Variants in MGAT4C observed in about 807,000 individuals in gnomAD.
MGAT4C encodes the protein MGAT4 family member C.
A neutral mutation model predicts 40.1 loss-of-function variants in MGAT4C; 19 were observed. That is an observed-to-expected ratio of 0.47 (90% confidence interval 0.33 to 0.70). MGAT4C has a LOEUF of 0.70. MGAT4C is among the 30% of genes least tolerant of loss of function. The pLI, the probability that MGAT4C is intolerant of heterozygous loss-of-function variation, is 0.02. For missense variants in MGAT4C, 491 were observed against 563.2 expected, an observed-to-expected ratio of 0.87 and a Z score of 1.30; for synonymous variants, 181 against 187.1, an observed-to-expected ratio of 0.97 and a Z score of 0.27.
chr12:86,391,287 G>A (rs1592780710), intron 3 of MGAT4C, among the ~76,000 whole-genome samples: 1 of 152,108 alleles, frequency 6.6e-6, no homozygotes, highest in South Asian at 2.1e-4. Context: ...TAGAGTAAAG[G>A]ATTTTCTACT....
intron 1 of MGAT4C, among the ~76,000 whole-genome samples, chr12:86,763,128 A>C (rs1305147002): frequency 6.6e-6 from 1 of 152,188 alleles, no homozygotes; most frequent in African/African-American, 2.4e-5. Flanking sequence ...GTTTTATTTT[A>C]CTTGAAATCA....
rs531234713 is a variant in MGAT4C at position 86,798,891 on chromosome 12, A to G, written c.-262+39775T>C. Among the ~76,000 whole-genome samples, 4 of 152,012 alleles carry G rather than the reference A, an allele frequency of 2.6e-5. No individual in the cohort carries two copies. In the East Asian group the frequency reaches 7.7e-4, roughly 29 times the overall value. Reference sequence around the variant, plus strand: ...CATCTTTTATTATTCTGTAAGAAGCAAATGATGTAAGAGTTGCCATGTCTT... The same window carrying G: ...CATCTTTTATTATTCTGTAAGAAGCGAATGATGTAAGAGTTGCCATGTCTT... On this transcript the variant is annotated intron_variant, in intron 1 of 7. Coordinates refer to the MGAT4C transcript ENST00000548651.
chr12:86,004,012 T>C (rs970470205), intron 2 of MGAT4C, among the ~76,000 whole-genome samples: 3 of 152,288 alleles, frequency 2.0e-5, no homozygotes, highest in South Asian at 2.1e-4. Context: ...AGCACTAAAG[T>C]ATTTTACATG....
intron 2 of MGAT4C, among the ~76,000 whole-genome samples, chr12:86,504,680 G>A (rs1958437903): frequency 6.6e-6 from 1 of 151,958 alleles, no homozygotes; most frequent in South Asian, 2.1e-4. Flanking sequence ...ATATACATAG[G>A]AAAACAATCT....
chr12:86,824,755 G>A lies in MGAT4C; in HGVS notation c.-262+13911C>T, dbSNP rs556300560. ...CCAGGCCAAAAAAAAAAAAAAAAAAGAGAGAGAGAGAGAAGAAAAGAAAAA... is the reference window on the plus strand; with the variant it reads ...CCAGGCCAAAAAAAAAAAAAAAAAAAAGAGAGAGAGAGAAGAAAAGAAAAA... On this transcript the variant is annotated intron_variant, in intron 1 of 7. Transcript: ENST00000548651. Among the ~76,000 whole-genome samples the A allele has an allele frequency of 6.5e-3, 704 of 107,520 alleles. 5 individuals carry two copies. The highest frequency in any genetic ancestry group is 0.017 in the African/African-American group (587 of 33,764). 70.5% of individuals were successfully genotyped at this position (107,520 alleles called of 152,430 possible).
intron 1 of MGAT4C, among the ~76,000 whole-genome samples, chr12:86,836,862 G>A (rs1405151142): frequency 6.6e-6 from 1 of 152,064 alleles, no homozygotes; most frequent in East Asian, 1.9e-4. Context: ...GGAAGAACAT[G>A]AAATATGTTC....
At chr12:86,361,505 C>A (rs1003099493) in intron 3 of MGAT4C, among the ~76,000 whole-genome samples, 1 of 152,014 alleles carries the variant, frequency 6.6e-6, no homozygotes, top group Non-Finnish European at 1.5e-5. Context: ...TTAAACTAAA[C>A]AGCTTCTGCA....
chr12:86,700,091 T>TAATGTA (rs1565934014), intron 2 of MGAT4C, among the ~76,000 whole-genome samples: 11 of 144,254 alleles, frequency 7.6e-5, no homozygotes, highest in Non-Finnish European at 1.4e-4. Context: ...TGTAGATAGA[T>TAATGTA]GATAGATAGA....
chr12:86,014,978 C>CT (rs113674418), intron 2 of MGAT4C, among the ~76,000 whole-genome samples: 4,331 of 134,540 alleles, frequency 0.032, 221 homozygotes, highest in African/African-American at 0.1. Context: ...TTCTTTCTTT[C>CT]TTTTTTTTTT....
At chr12:86,408,499 A>C (rs1330366273) in intron 3 of MGAT4C, among the ~76,000 whole-genome samples, 44 of 141,512 alleles carry the variant, frequency 3.1e-4, no homozygotes, top group Admixed American at 6.4e-4. Context: ...ATATATATAT[A>C]TATATATATA....
At chr12:86,779,661 C>T (rs1951803619) in intron 1 of MGAT4C, among the ~76,000 whole-genome samples, 1 of 151,904 alleles carries the variant, frequency 6.6e-6, no homozygotes, top group South Asian at 2.1e-4. Flanking sequence ...CTCCTGTAAT[C>T]CCATCACTTT....
upstream of MGAT4C, among the ~76,000 whole-genome samples, chr12:86,259,910 C>CT (rs1323723418): frequency 1.9e-4 from 1 of 5,234 alleles, no homozygotes; most frequent in Non-Finnish European, 3.4e-4. Context: ...TTGTTTTTTC[C>CT]TTTTTTTGAA....
intron 2 of MGAT4C, among the ~76,000 whole-genome samples, chr12:86,018,854 G>T (rs1378321992): frequency 6.6e-6 from 1 of 152,060 alleles, no homozygotes; most frequent in Admixed American, 6.6e-5. Context: ...AAAATGTGTG[G>T]CATTGACAGG....
At chr12:86,553,767 C>A (rs1347545326) in intron 2 of MGAT4C, among the ~76,000 whole-genome samples, 3 of 152,102 alleles carry the variant, frequency 2.0e-5, no homozygotes, top group Non-Finnish European at 1.5e-5. Flanking sequence ...TGCTATTAGG[C>A]CCATTTTTAG....
At chr12:86,780,825 T>G (rs1257011955) in intron 1 of MGAT4C, among the ~76,000 whole-genome samples, 1 of 152,192 alleles carries the variant, frequency 6.6e-6, no homozygotes, top group Non-Finnish European at 1.5e-5. Flanking sequence ...CCTACCCTTC[T>G]GAGTCTCCAA....
At position 85,960,237 on chromosome 12, in the gene MGAT4C, T is replaced by G. The variant is rs1883038636; in HGVS notation, c.*19052A>C. The G allele has an allele frequency of 6.6e-6, 1 of 152,052 alleles. No homozygotes were observed. The highest frequency in any genetic ancestry group is 2.1e-4 in the South Asian group (1 of 4,830). 9.4% of individuals were successfully genotyped at this position (152,052 alleles called of 1,614,324 possible). A position where few individuals can be genotyped will look rare whatever the true frequency, so the allele number is the denominator to read the frequency against. On this transcript the variant is annotated 3_prime_UTR_variant, in exon 5 of 5. Coordinates refer to ENST00000611864, the MANE Select transcript of MGAT4C (RefSeq NM_001351288.2). ...GAAATTTTCATCAAACGTCTTTGTC[T>G]TATCCCCTTGTTATACAGACAAAGA...
intron 1 of MGAT4C, among the ~76,000 whole-genome samples, chr12:86,144,788 G>A (rs542263452): frequency 2.6e-5 from 4 of 152,158 alleles, no homozygotes; most frequent in Non-Finnish European, 4.4e-5. Context: ...ACTGCAAGAA[G>A]AATCTTAAAA....
chr12:86,031,210 G>A (rs1312035783), intron 2 of MGAT4C, among the ~76,000 whole-genome samples: 3 of 151,672 alleles, frequency 2.0e-5, no homozygotes, highest in African/African-American at 4.8e-5. Flanking sequence ...TGTGGTAAGA[G>A]GTTAAGTAGG....
At chr12:86,512,401 T>G (rs1174559282) in intron 2 of MGAT4C, among the ~76,000 whole-genome samples, 2 of 152,126 alleles carry the variant, frequency 1.3e-5, no homozygotes, top group Non-Finnish European at 2.9e-5. Flanking sequence ...AACATCCTAC[T>G]TCTGTATATT....
Sources: gnomAD v4.1 joint callset for allele counts (sites outside exome capture counted in the v4.1 genomes callset) on GRCh38, gnomAD v4.1.1 for gene constraint, MANE v1.5 for transcripts, NCBI Gene and HGNC (gene_info 2026-07-23, HGNC 2026-07-21) for gene names.